COL27A1: variants seen among roughly 807,000 people sequenced by gnomAD.
COL27A1 encodes collagen type XXVII alpha 1 chain.
COL27A1 carries 106 observed loss-of-function variants against 251.3 expected under a neutral mutation model. The observed-to-expected ratio is 0.42, with a 90% CI of 0.36 to 0.50. The LOEUF (loss-of-function observed/expected upper bound fraction) is 0.50, where lower values mean the gene tolerates loss of function less well. Ranked by LOEUF, COL27A1 falls within the 20% of genes least tolerant of loss-of-function variation. The pLI is 0.00. For missense variants in COL27A1, 2,325 were observed against 2,522.8 expected (o/e 0.92, Z 1.68); for synonymous variants, 1,000 against 986.3 (o/e 1.01, Z -0.26).
chr9:114,248,508 G>C (rs1833299517), intron 24 of COL27A1, among the ~76,000 whole-genome samples: 1 of 152,208 alleles, frequency 6.6e-6, no homozygotes. Flanking sequence ...CCCGCTGTGG[G>C]TAACAATGCT....
chr9:114,208,692 C>A (rs112032656), intron 10 of COL27A1, among the ~76,000 whole-genome samples: 3 of 151,844 alleles, frequency 2.0e-5, no homozygotes, highest in African/African-American at 7.3e-5. Flanking sequence ...CTAATGAGGA[C>A]GTGAAGCATG....
chr9:114,272,730 C>T (rs563571581), intron 36 of COL27A1: 1 of 152,320 alleles, frequency 6.6e-6, no homozygotes, highest in Admixed American at 6.5e-5. Context: ...TGCAGTAATC[C>T]TTTGATCCTG....
chr9:114,264,390 A>G lies in COL27A1; in HGVS notation c.3231A>G (p.Gln1077=), dbSNP rs1834579007. The G allele has an allele frequency of 5.0e-6, 8 of 1,595,070 alleles. No individual in the cohort carries two copies. The highest frequency in any genetic ancestry group is 6.0e-6 in the Non-Finnish European group (7 of 1,170,360). The change falls in exon 29 of 61, where the codon CAA becomes CAG. Residue 1077 remains glutamine (Q), a synonymous_variant. Transcript: ENST00000356083. ...GACCGGACGGACCAGCTGGGGAGCA[A>G]GGGTCCAGGGGCCTGAAGGTACCGA... is the stretch of plus-strand genomic sequence containing the variant. The part of the protein sequence containing the change: ...PRGPDGPAGE[Q]GSRGLKGPPG...
intron 14 of COL27A1, among the ~76,000 whole-genome samples, chr9:114,223,342 T>C (rs1282631520): frequency 6.6e-6 from 1 of 152,166 alleles, no homozygotes; most frequent in Non-Finnish European, 1.5e-5. Flanking sequence ...GAAATTCTGC[T>C]CAGAGGGAGG....
At chr9:114,260,775 G>A (rs1834263834) in intron 28 of COL27A1, among the ~76,000 whole-genome samples, 2 of 152,134 alleles carry the variant, frequency 1.3e-5, no homozygotes, top group Non-Finnish European at 2.9e-5. Context: ...TGGGCCTACG[G>A]CAAGTCTCAG....
intron 32 of COL27A1, 36 bp downstream of exon 32, chr9:114,265,511 C>T (rs1316122479): frequency 2.5e-6 from 4 of 1,602,776 alleles, no homozygotes; most frequent in Non-Finnish European, 3.4e-6. Flanking sequence ...TGCTTCTTTG[C>T]CGCTGGCACC....
chr9:114,243,925 A>ATTT (rs397894289), intron 23 of COL27A1, among the ~76,000 whole-genome samples: 3 of 78,720 alleles, frequency 3.8e-5, no homozygotes, highest in Non-Finnish European at 5.0e-5. Context: ...TTTTTCTTTC[A>ATTT]TTTTTTTTTT....
At chr9:114,252,275 A>T (rs1267488206) in intron 25 of COL27A1, among the ~76,000 whole-genome samples, 2 of 152,192 alleles carry the variant, frequency 1.3e-5, no homozygotes, top group Non-Finnish European at 1.5e-5. Context: ...GACCAACATG[A>T]TGTGGGCCAG....
intron 28 of COL27A1, among the ~76,000 whole-genome samples, chr9:114,259,661 A>G (rs2135565813): frequency 6.6e-6 from 1 of 152,294 alleles, no homozygotes; most frequent in South Asian, 2.1e-4. Context: ...AACCCAGGGA[A>G]TCTGGCTCAT....
intron 45 of COL27A1, 79 bp from the exon 46 acceptor site, chr9:114,289,979 C>T (rs980537449): frequency 1.3e-6 from 2 of 1,490,322 alleles, no homozygotes; most frequent in Non-Finnish European, 1.9e-6. Flanking sequence ...CCACAATCCT[C>T]TCAGTCCCTC....
intron 4 of COL27A1, among the ~76,000 whole-genome samples, chr9:114,181,210 T>C (rs1159664550): frequency 6.6e-6 from 1 of 152,162 alleles, no homozygotes; most frequent in Non-Finnish European, 1.5e-5. Flanking sequence ...GGACTCAGTC[T>C]CGATGCTTCC....
chr9:114,271,656 C>G (rs957732514), intron 36 of COL27A1: 3 of 152,472 alleles, frequency 2.0e-5, no homozygotes, highest in Admixed American at 6.5e-5. Context: ...CATCTCCAGG[C>G]CAGTCCCTGG....
At chr9:114,266,944 C>T (rs541010535) in intron 33 of COL27A1, among the ~76,000 whole-genome samples, 11 of 152,108 alleles carry the variant, frequency 7.2e-5, no homozygotes, top group African/African-American at 1.2e-4. Context: ...GGGACTTTGC[C>T]CCAGCAGAGG....
At chr9:114,197,898 C>T (rs539191979) in intron 7 of COL27A1, among the ~76,000 whole-genome samples, 5 of 152,232 alleles carry the variant, frequency 3.3e-5, no homozygotes, top group Non-Finnish European at 7.3e-5. Flanking sequence ...GAGCTCAGGT[C>T]CCAAGGCAGA....
intron 7 of COL27A1, among the ~76,000 whole-genome samples, chr9:114,198,546 C>A (rs1241371943): frequency 2.0e-5 from 3 of 152,116 alleles, no homozygotes; most frequent in South Asian, 2.1e-4. Flanking sequence ...ATGAGAGGCA[C>A]CAATTTAATG....
rs192272168 is a variant in COL27A1 at position 114,218,112 on chromosome 9, A to G, written c.2368-1679A>G. Reference sequence around the variant, plus strand: ...ACAGAGTGAGACCCTGTATCATGAAAAAAAAAGAAGGATCCCCTGGACACA... The same window carrying G: ...ACAGAGTGAGACCCTGTATCATGAAGAAAAAAGAAGGATCCCCTGGACACA... On this transcript the variant is annotated intron_variant, in intron 12 of 60. Transcript: ENST00000356083. 267 of 249,668 alleles carry G rather than the reference A, an allele frequency of 1.1e-3. 3 individuals are homozygous for G. The highest frequency in any genetic ancestry group is 5.7e-3 in the African/African-American group (252 of 43,926). The allele number at this position is 249,668 out of a possible 1,614,324, so 15.5% of individuals were successfully genotyped here. A position where few individuals can be genotyped will look rare whatever the true frequency, so the allele number is the denominator to read the frequency against.
chr9:114,264,479 A>AGAACAAG, intron 29 of COL27A1, 71 bp downstream of exon 29: 1 of 1,242,310 alleles, frequency 8.0e-7, no homozygotes, highest in Non-Finnish European at 1.1e-6. Context: ...CAAGGCTCAC[A>AGAACAAG]GCTCCTCAGA....
intron 14 of COL27A1, among the ~76,000 whole-genome samples, chr9:114,228,955 G>A (rs192267102): frequency 6.6e-6 from 1 of 152,166 alleles, no homozygotes; most frequent in East Asian, 1.9e-4. Flanking sequence ...CCGAGTAGCT[G>A]GTACCACAGG....
chr9:114,266,437 G>T (rs1834745655), intron 32 of COL27A1, 128 bp from the exon 33 acceptor site: 3 of 671,224 alleles, frequency 4.5e-6, no homozygotes, highest in Non-Finnish European at 7.8e-6. Context: ...CGGTGTGGCT[G>T]GGGCGGACTA....
Sources: allele counts gnomAD v4.1 joint callset (sites outside exome capture counted in the v4.1 genomes callset), GRCh38; gene constraint gnomAD v4.1.1; transcripts MANE v1.5; gene names NCBI Gene and HGNC (gene_info 2026-07-23, HGNC 2026-07-21).